The following CLSTN2 variants were observed in gnomAD, a reference collection of about 807,000 sequenced individuals.
The protein encoded by CLSTN2 is calsyntenin-2.
CLSTN2 carries 48 observed loss-of-function variants against 101.2 expected under a neutral mutation model. The ratio of observed to expected loss-of-function variants is 0.47; its 90% CI spans 0.38 to 0.60. The LOEUF (loss-of-function observed/expected upper bound fraction) is 0.60. Among genes scored for constraint, CLSTN2 ranks in the 20% least tolerant of loss-of-function variants. The pLI is 0.00. For missense variants in CLSTN2, 1,160 were observed against 1,238.2 expected (o/e 0.94, Z 0.95); for synonymous variants, 481 against 463.6 (o/e 1.04, Z -0.48).
intron 1 of CLSTN2, among the ~76,000 whole-genome samples, chr3:140,173,024 A>T (rs926930623): frequency 1.3e-5 from 2 of 152,182 alleles, no homozygotes; most frequent in Admixed American, 6.5e-5. Flanking sequence ...ATGCCTTCCC[A>T]ACAGTCCCCC....
At chr3:140,445,708 T>C (rs1933060410) in intron 5 of CLSTN2, among the ~76,000 whole-genome samples, 1 of 152,118 alleles carries the variant, frequency 6.6e-6, no homozygotes, top group Admixed American at 6.5e-5. Context: ...ATGGATTCTG[T>C]CTGCAGCTCA....
At chr3:140,259,921 A>G (rs1313951190) in intron 2 of CLSTN2, among the ~76,000 whole-genome samples, 1 of 151,936 alleles carries the variant, frequency 6.6e-6, no homozygotes, top group Non-Finnish European at 1.5e-5. Flanking sequence ...TTCTAATAAA[A>G]ATATCTTTTA....
intron 2 of CLSTN2, among the ~76,000 whole-genome samples, chr3:140,292,327 A>T (rs1213140888): frequency 1.3e-5 from 2 of 152,102 alleles, no homozygotes; most frequent in African/African-American, 4.8e-5. Context: ...CCTGCCCAAA[A>T]TATCTCCTCC....
At chr3:140,559,075 A>G (rs1317886653) in intron 12 of CLSTN2, among the ~76,000 whole-genome samples, 1 of 152,028 alleles carries the variant, frequency 6.6e-6, no homozygotes, top group African/African-American at 2.4e-5. Context: ...ATGAGGTTGG[A>G]GGGAACGCAT....
At chr3:140,427,201 A>ATG (rs1559866696) in intron 5 of CLSTN2, among the ~76,000 whole-genome samples, 100 of 101,936 alleles carry the variant, frequency 9.8e-4, no homozygotes, top group South Asian at 4.6e-3. Flanking sequence ...ATATATATAT[A>ATG]TATGTGTATA....
At chr3:139,979,647 G>T (rs1935882565) in intron 1 of CLSTN2, among the ~76,000 whole-genome samples, 1 of 152,154 alleles carries the variant, frequency 6.6e-6, no homozygotes, top group South Asian at 2.1e-4. Flanking sequence ...CAACTTTTTG[G>T]AAAATGTCAT....
At chr3:140,411,490 T>G (rs1223666525) in intron 4 of CLSTN2, among the ~76,000 whole-genome samples, 1 of 152,220 alleles carries the variant, frequency 6.6e-6, no homozygotes, top group East Asian at 1.9e-4. Flanking sequence ...AGAAACTACT[T>G]TCAACAATGG....
intron 8 of CLSTN2, among the ~76,000 whole-genome samples, chr3:140,523,392 TCA>T (rs1170233209): frequency 1.3e-5 from 2 of 152,178 alleles, no homozygotes; most frequent in Admixed American, 1.3e-4. Context: ...CAGCAGCCAC[TCA>T]GTTTCAGCCC....
intron 1 of CLSTN2, among the ~76,000 whole-genome samples, chr3:140,144,352 A>G (rs2009749846): frequency 6.6e-6 from 1 of 152,206 alleles, no homozygotes; most frequent in South Asian, 2.1e-4. Context: ...TTACACCTGT[A>G]ATCCCAGCAC....
intron 6 of CLSTN2, among the ~76,000 whole-genome samples, chr3:140,457,442 A>C (rs539502542): frequency 2.6e-5 from 4 of 152,334 alleles, no homozygotes; most frequent in Admixed American, 2.6e-4. Context: ...CACTTTCCCC[A>C]AAAAACCATG....
At chr3:140,419,369 G>T (rs72981099) in intron 4 of CLSTN2, among the ~76,000 whole-genome samples, 41,518 of 144,180 alleles carry the variant, frequency 0.29, 9,024 homozygotes, top group African/African-American at 0.63. Flanking sequence ...TATAGTCCCA[G>T]TACTTGGGAG....
At chr3:140,108,636 A>G (rs1339624272) in intron 1 of CLSTN2, among the ~76,000 whole-genome samples, 1 of 152,216 alleles carries the variant, frequency 6.6e-6, no homozygotes. Context: ...CAGTCAAGGC[A>G]GTTAAGGGCA....
intron 1 of CLSTN2, among the ~76,000 whole-genome samples, chr3:140,143,351 G>A (rs1287501848): frequency 6.6e-6 from 1 of 152,242 alleles, no homozygotes; most frequent in African/African-American, 2.4e-5. Flanking sequence ...TGAGAACGAG[G>A]GGTCCGGGGT....
intron 2 of CLSTN2, among the ~76,000 whole-genome samples, chr3:140,247,875 G>A (rs2086530348): frequency 6.6e-6 from 1 of 152,164 alleles, no homozygotes; most frequent in Non-Finnish European, 1.5e-5. Context: ...GACTTTCCCT[G>A]CCTTCCAGAG....
At chr3:140,120,048 C>A (rs1298832220) in intron 1 of CLSTN2, among the ~76,000 whole-genome samples, 8 of 152,144 alleles carry the variant, frequency 5.3e-5, no homozygotes, top group Non-Finnish European at 1.0e-4. Context: ...AGAGGTTTTT[C>A]CCCACACCCT....
intron 8 of CLSTN2, among the ~76,000 whole-genome samples, chr3:140,476,650 G>C (rs369421479): frequency 7.0e-6 from 1 of 143,632 alleles, no homozygotes; most frequent in Non-Finnish European, 1.5e-5. Context: ...TCATGTTTTA[G>C]CATCTTTTTT....
At chr3:139,997,163 G>A (rs961081117) in intron 1 of CLSTN2, among the ~76,000 whole-genome samples, 2 of 151,718 alleles carry the variant, frequency 1.3e-5, no homozygotes, top group African/African-American at 4.8e-5. Flanking sequence ...ATAGATTCTC[G>A]ATATTAATAT....
At chr3:139,995,894 T>C (rs1450919428) in intron 1 of CLSTN2, among the ~76,000 whole-genome samples, 2 of 152,238 alleles carry the variant, frequency 1.3e-5, no homozygotes, top group African/African-American at 4.8e-5. Flanking sequence ...ACCTCGGGTA[T>C]ATTGAATTGG....
chr3:140,413,124 A>G (rs1406824772), intron 4 of CLSTN2, among the ~76,000 whole-genome samples: 2 of 152,168 alleles, frequency 1.3e-5, no homozygotes, highest in African/African-American at 2.4e-5. Context: ...TTAAATAGAT[A>G]AACTAATTGA....
Sources: gnomAD v4.1 joint callset for allele counts (sites outside exome capture counted in the v4.1 genomes callset) on GRCh38, gnomAD v4.1.1 for gene constraint, MANE v1.5 for transcripts, NCBI Gene and HGNC (gene_info 2026-07-23, HGNC 2026-07-21) for gene names.